The following KDM6B variants were observed in gnomAD, a reference collection of about 807,000 sequenced individuals.
The protein encoded by KDM6B is lysine demethylase 6B, also known as lysine-specific demethylase 6B.
A neutral mutation model predicts 150.4 loss-of-function variants in KDM6B; 22 were observed. The ratio of observed to expected loss-of-function variants is 0.15; its 90% CI spans 0.10 to 0.21. The LOEUF is 0.21. Ranked by LOEUF, KDM6B falls within the 10% of genes least tolerant of loss-of-function variation. KDM6B has a pLI of 1.00. For synonymous variants in KDM6B, 1,148 were observed against 921.1 expected, an observed-to-expected ratio of 1.25 and a Z score of -4.46; for missense variants, 1,984 against 2,234.3, an observed-to-expected ratio of 0.89 and a Z score of 2.26.
At position 7,852,176 on chromosome 17, in the gene KDM6B, C is replaced by A; in HGVS notation, c.4308C>A (p.Ser1436=). The change falls in exon 20 of 24, where the codon TCC becomes TCA. Residue 1436 remains serine (S), a synonymous_variant. Transcript: ENST00000448097. ...DRHGVDYLTG[S]WWPILDDLYA... ...ACGGCGTGGACTACTTGACGGGTTC[C>A]TGGTGGCCAATCCTGGATGATCTCT... The A allele has an allele frequency of 6.2e-7, 1 of 1,614,156 alleles. No individual in the cohort carries two copies. Among genetic ancestry groups the A allele is most frequent in the Non-Finnish European group, 8.5e-7 (1 of 1,180,038 alleles).
chr17:7,846,183 G>C lies in KDM6B; in HGVS notation c.342G>C (p.Gly114=). The C allele has an allele frequency of 2.5e-6, 4 of 1,614,144 alleles. No individual in the cohort carries two copies. Among genetic ancestry groups the C allele is most frequent in the Non-Finnish European group, 3.4e-6 (4 of 1,180,018 alleles). Residue 114 remains glycine (G), a synonymous_variant, in exon 7 of 24, where the codon GGG becomes GGC. Transcript: ENST00000448097. ...PAQPGLWEQL[G]QLYESEHDSE... ...AGCCAGGGCTTTGGGAACAGCTTGG[G>C]CAACTGTACGAGTCAGAGCACGATA...
chr17:7,849,786 G>A (rs1364622375), intron 12 of KDM6B, 35 bp from the exon 13 acceptor site: 1 of 1,612,716 alleles, frequency 6.2e-7, no homozygotes, highest in African/African-American at 1.3e-5. Context: ...CCATCACCCT[G>A]ATGTTTCTGT....
In KDM6B at chr17:7,847,375, C is replaced by CCCGGCA; in HGVS notation, c.1183_1188dup (p.Gly395_Thr396dup). 6.2e-7 allele frequency: 1 copy of CCCGGCA among 1,613,122 alleles called. No individual in the cohort carries two copies. Among genetic ancestry groups the CCCGGCA allele is most frequent in the Non-Finnish European group, 8.5e-7 (1 of 1,179,938 alleles). On this transcript the variant is annotated inframe_insertion, in exon 11 of 24. Transcript: ENST00000448097. ...CGCCCCTTCCCGGCCCCCTGGCCTCCCCGGCACCACCACCAGCAGCAGCAG... is the reference window on the plus strand; with the variant it reads ...CGCCCCTTCCCGGCCCCCTGGCCTCCCCGGCACCGGCACCACCACCAGCAGCAGCAG...
Position 7,853,566 on chromosome 17 carries a change from G to A in KDM6B, c.*45G>A. 1 of 1,369,002 alleles carries A rather than the reference G, an allele frequency of 7.3e-7. No individual in the cohort carries two copies. Among genetic ancestry groups the A allele is most frequent in the East Asian group, 3.3e-5 (1 of 30,464 alleles). 84.8% of individuals were successfully genotyped at this position (1,369,002 alleles called of 1,614,324 possible). ...CTGCCTGCCCGCGCAAGGCGCCGCG[G>A]GGCCACCAGCACATGCCTGGGCTGG... On this transcript the variant is annotated 3_prime_UTR_variant, in exon 24 of 24. Coordinates refer to ENST00000448097, the MANE Select transcript of KDM6B (RefSeq NM_001348716.2).
At position 7,849,336 on chromosome 17, in the gene KDM6B, G is replaced by C; in HGVS notation, c.3048G>C (p.Arg1016=). The C allele has an allele frequency of 1.3e-6, 2 of 1,581,702 alleles. No homozygotes were observed. Among genetic ancestry groups the C allele is most frequent in the Non-Finnish European group, 1.7e-6 (2 of 1,164,446 alleles). The change falls in exon 12 of 24, where the codon CGG becomes CGC. Residue 1016 remains arginine (R), a synonymous_variant. Transcript: ENST00000448097. ...AGGTCCCCAAAGAAAAGAGCCGCCG[G>C]GTGCTGGGGAACCTGGACCTGCAGA... is the stretch of plus-strand genomic sequence containing the variant. ...KAKVPKEKSR[R]VLGNLDLQSE... is the part of the protein sequence containing the mutation.
intron 1 of KDM6B, among the ~76,000 whole-genome samples, 185 bp downstream of exon 1, chr17:7,834,535 A>G (rs1439578893): frequency 4.0e-5 from 6 of 151,428 alleles, no homozygotes; most frequent in Non-Finnish European, 7.4e-5. Flanking sequence ...GGAAGGAGGA[A>G]GAACTGGGAG....
At chr17:7,850,257 TGAA>T (rs1282558004) in intron 14 of KDM6B, 80 bp downstream of exon 14, 1 of 1,153,522 alleles carries the variant, frequency 8.7e-7, no homozygotes, top group East Asian at 2.5e-5. Flanking sequence ...ATCCCACACT[TGAA>T]GACTCATGAC....
Position 7,845,646 on chromosome 17 carries a change from G to A in KDM6B, c.92G>A (p.Cys31Tyr), listed in dbSNP as rs764238434. 1 of 1,614,078 alleles carries A rather than the reference G, an allele frequency of 6.2e-7. No homozygotes were observed. The highest frequency in any genetic ancestry group is 1.3e-5 in the African/African-American group (1 of 75,032). ...AGCTGTGCTGGGGCCTGGAGCTCCT[G>A]CCCGCCTCATCCCCCTCCTCGTAGC... ...GLSCAGAWSS[C>Y]PPHPPPRSAW... Residue 31 changes from cysteine to tyrosine, a missense_variant, in exon 5 of 24, where the codon TGC (cysteine) becomes TAC (tyrosine). This residue lies in a region of KDM6B where 337 missense variants were observed against 323.9 expected (regional missense o/e 1.04). Coordinates refer to ENST00000448097, the MANE Select transcript of KDM6B (RefSeq NM_001348716.2).
Position 7,846,450 on chromosome 17 carries a change from C to T in KDM6B, c.507C>T (p.Val169=). 1.9e-6 allele frequency: 3 copies of T among 1,613,004 alleles called. No individual in the cohort carries two copies. Among genetic ancestry groups the T allele is most frequent in the Non-Finnish European group, 2.5e-6 (3 of 1,179,750 alleles). The change falls in exon 8 of 24, where the codon GTC becomes GTT. Residue 169 remains valine, a synonymous_variant. Transcript: ENST00000448097. ...HTGSCQHRAK[V]LPPLEQVWNL... ...GCTCCTGCCAGCACCGAGCCAAGGT[C>T]CTGCCCCCACTGGAGCAAGTGTGGA... is the stretch of plus-strand genomic sequence containing the variant.
At chr17:7,835,435 C>T (rs779312572) in intron 1 of KDM6B, among the ~76,000 whole-genome samples, 1 of 151,886 alleles carries the variant, frequency 6.6e-6, no homozygotes, top group Non-Finnish European at 1.5e-5. Context: ...TGCGCCGCGA[C>T]CGAAGGGGAC....
In KDM6B at chr17:7,848,089, C is replaced by T. The variant is rs1197459165; in HGVS notation, c.1801C>T (p.Pro601Ser). The T allele has an allele frequency of 1.2e-6, 2 of 1,612,702 alleles. No individual in the cohort carries two copies. Among genetic ancestry groups the T allele is most frequent in the Non-Finnish European group, 1.7e-6 (2 of 1,179,610 alleles). ...AQNPQDPPLVPLTLALPPAPP... is the reference protein window; with the variant it reads ...AQNPQDPPLVSLTLALPPAPP... Reference sequence around the variant, plus strand: ...GAACCCCCAGGACCCACCTCTTGTACCCCTGACTCTTGCCCTGCCTCCAGC... The same window carrying T: ...GAACCCCCAGGACCCACCTCTTGTATCCCTGACTCTTGCCCTGCCTCCAGC... The change falls in exon 12 of 24, where the codon CCC becomes TCC. Residue 601 changes from proline to serine, a missense_variant. Physicochemically the swap from Pro to Ser is moderately conservative, Grantham distance 74. Transcript: ENST00000448097.
intron 1 of KDM6B, among the ~76,000 whole-genome samples, chr17:7,835,329 A>G (rs2078312615): frequency 6.6e-6 from 1 of 151,988 alleles, no homozygotes; most frequent in Non-Finnish European, 1.5e-5. Flanking sequence ...GGTTAGAGAC[A>G]GCGGAGGGCC....
rs761175532 is a variant in KDM6B at position 7,846,715 on chromosome 17, G to A, written c.686G>A (p.Arg229Gln). 2.5e-6 allele frequency: 4 copies of A among 1,614,104 alleles called. No individual in the cohort carries two copies. The highest frequency in any genetic ancestry group is 1.7e-6 in the Non-Finnish European group (2 of 1,179,990). Residue 229 changes from arginine (R) to glutamine (Q), a missense_variant, in exon 9 of 24, where the codon CGA (arginine) becomes CAA (glutamine). Around this residue, in one of 13 missense-constraint regions of KDM6B, gnomAD observed 337 missense variants for 323.9 expected, o/e 1.04. Transcript: ENST00000448097. ...GEEGLSPGGKRRRGCNSEQTG... is the reference protein window; with the variant it reads ...GEEGLSPGGKQRRGCNSEQTG... The stretch of plus-strand genomic sequence containing the variant: ...GAGGGCCTCAGCCCTGGAGGCAAGC[G>A]AAGGAGAGGCTGCAACTCTGAACAG...
At position 7,842,655 on chromosome 17, in the gene KDM6B, G is replaced by A. The variant is rs2078441721; in HGVS notation, c.-268-2246G>A. ...GTCGGGGCTGCCCGGCACGGGGAGG[G>A]GCCATCGTGGGGGAAGACGAGAGGG... On this transcript the variant is annotated intron_variant, in intron 2 of 23. Coordinates refer to ENST00000448097, the MANE Select transcript of KDM6B (RefSeq NM_001348716.2). Among the ~76,000 whole-genome samples, 4 of 152,342 alleles carry A rather than the reference G, an allele frequency of 2.6e-5. No individual in the cohort carries two copies. In the South Asian group the frequency reaches 8.3e-4, roughly 32 times the overall value.
intron 1 of KDM6B, among the ~76,000 whole-genome samples, chr17:7,837,163 A>T (rs76351384): frequency 1.1e-4 from 17 of 152,320 alleles, no homozygotes; most frequent in Non-Finnish European, 1.5e-4. Flanking sequence ...CCGCCCCCAT[A>T]GAAAAAGCTA....
In KDM6B at chr17:7,848,742, T is replaced by C. The variant is rs369876290; in HGVS notation, c.2454T>C (p.Tyr818=). 3 of 1,612,642 alleles carry C rather than the reference T, an allele frequency of 1.9e-6. No individual in the cohort carries two copies. The highest frequency in any genetic ancestry group is 1.1e-5 in the South Asian group (1 of 91,074). ...TGCTGGAGGGACAAAAGTACTGTTA[T>C]CGGGGGACTGGAGCAGCTGTTTCCA... ...ASVLEGQKYC[Y]RGTGAAVSTR... is the part of the protein sequence containing the mutation. The change falls in exon 12 of 24, where the codon TAT becomes TAC. Residue 818 remains tyrosine (Y), a synonymous_variant. Transcript: ENST00000448097.
In KDM6B at chr17:7,847,810, A is replaced by C. The variant is rs1301067017; in HGVS notation, c.1522A>C (p.Thr508Pro). 1.9e-5 allele frequency: 30 copies of C among 1,541,974 alleles called. No individual in the cohort carries two copies. The highest frequency in any genetic ancestry group is 2.6e-5 in the Non-Finnish European group (30 of 1,145,316). ...GATCTTAGAAGAGCTCTTCTTTGGG[A>C]CTGAGGGACCCCCCCGCCCTGCCCC... ...GEILEELFFG[T>P]EGPPRPAPPP... The change falls in exon 12 of 24, where the codon ACT (threonine) becomes CCT (proline). Residue 508 changes from threonine to proline, a missense_variant. Around this residue, in one of 13 missense-constraint regions of KDM6B, gnomAD observed 1,379 missense variants for 1,275.6 expected, o/e 1.08. Transcript: ENST00000448097.
At position 7,846,973 on chromosome 17, in the gene KDM6B, C is replaced by A. The variant is rs774070257; in HGVS notation, c.866C>A (p.Ala289Asp). Residue 289 changes from alanine to aspartate, a missense_variant, in exon 10 of 24, where the codon GCC becomes GAC. Ala to Asp is a moderately radical substitution (Grantham distance 126, BLOSUM62 -2). Coordinates refer to ENST00000448097, the MANE Select transcript of KDM6B (RefSeq NM_001348716.2). ...CTGTGGAGTACCCTGCATGGAGATGCCTGGGGCCCAGAGCGCAAGGGTTCA... is the reference window on the plus strand; with the variant it reads ...CTGTGGAGTACCCTGCATGGAGATGACTGGGGCCCAGAGCGCAAGGGTTCA... ...PGLWSTLHGD[A>D]WGPERKGSAP... 8 of 1,582,998 alleles carry A rather than the reference C, an allele frequency of 5.1e-6. No homozygotes were observed. The highest frequency in any genetic ancestry group is 6.9e-6 in the Non-Finnish European group (8 of 1,160,624).
Position 7,848,981 on chromosome 17 carries a change from C to CCCCCCCCCCCCAAAAAA in KDM6B, c.2693_2694insCCCCCCCCCCCAAAAAA (p.Leu902GlnfsTer19). On this transcript the variant is annotated frameshift_variant, in exon 12 of 24. Transcript: ENST00000448097. LOFTEE classifies it high-confidence loss of function. ...CCGGGCCCCATGACCCCCACCCAAC[C>CCCCCCCCCCCCAAAAAA]GCCCCCACCCCTATCTCTGCCCCCT... is the stretch of plus-strand genomic sequence containing the variant. The CCCCCCCCCCCCAAAAAA allele has an allele frequency of 6.4e-7, 1 of 1,551,494 alleles. No homozygotes were observed. Among genetic ancestry groups the CCCCCCCCCCCCAAAAAA allele is most frequent in the Non-Finnish European group, 8.8e-7 (1 of 1,139,998 alleles).
Sources: gnomAD v4.1 joint callset for allele counts (sites outside exome capture counted in the v4.1 genomes callset) on GRCh38, gnomAD v4.1.1 for gene constraint, gnomAD v4.1.1 regional missense constraint, MANE v1.5 for transcripts, NCBI Gene and HGNC (gene_info 2026-07-23, HGNC 2026-07-21) for gene names.